SLC44A5: variants seen among roughly 807,000 people sequenced by gnomAD.
SLC44A5 encodes solute carrier family 44 member 5.
A neutral mutation model predicts 101.8 loss-of-function variants in SLC44A5; 57 were observed. The ratio of observed to expected loss-of-function variants is 0.56; its 90% CI spans 0.45 to 0.70. The LOEUF (loss-of-function observed/expected upper bound fraction) is 0.70. SLC44A5 is among the 30% of genes least tolerant of loss of function. The probability of loss-of-function intolerance (pLI) is 0.00; values close to 1 mark genes in which losing one functional copy is unlikely to be tolerated. For missense variants in SLC44A5, 737 were observed against 853.1 expected (o/e 0.86, Z 1.70); for synonymous variants, 281 against 290.9 (o/e 0.97, Z 0.35).
intron 1 of SLC44A5, among the ~76,000 whole-genome samples, chr1:75,589,968 T>C (rs1255303232): frequency 6.6e-6 from 1 of 151,920 alleles, no homozygotes; most frequent in Non-Finnish European, 1.5e-5. Flanking sequence ...TCTAAGTAAA[T>C]GTGAAAGGCA....
chr1:75,239,989 T>A (rs1648475357), intron 9 of SLC44A5, among the ~76,000 whole-genome samples: 1 of 152,086 alleles, frequency 6.6e-6, no homozygotes, highest in African/African-American at 2.4e-5. Flanking sequence ...CCCTTTCTAC[T>A]TCTTAAATAC....
intron 1 of SLC44A5, among the ~76,000 whole-genome samples, chr1:75,557,730 T>C (rs1672299381): frequency 6.6e-6 from 1 of 152,130 alleles, no homozygotes; most frequent in African/African-American, 2.4e-5. Flanking sequence ...GTAGTATACT[T>C]AGTGTCTGTC....
the SLC44A5 span, among the ~76,000 whole-genome samples, chr1:75,697,480 G>T: frequency 2.0e-5 from 3 of 152,152 alleles, no homozygotes; most frequent in African/African-American, 7.2e-5. Flanking sequence ...TGTGCACAAA[G>T]TTAATGCAAG....
At chr1:75,379,022 G>T (rs1365911420) in intron 3 of SLC44A5, among the ~76,000 whole-genome samples, 5 of 79,570 alleles carry the variant, frequency 6.3e-5, no homozygotes, top group Non-Finnish European at 1.1e-4. Flanking sequence ...AAAGGAAGGA[G>T]ATACTGAGGC....
At chr1:75,336,300 C>G (rs1008596351) in intron 4 of SLC44A5, among the ~76,000 whole-genome samples, 1 of 151,970 alleles carries the variant, frequency 6.6e-6, no homozygotes, top group Non-Finnish European at 1.5e-5. Context: ...ATTAAAGGCA[C>G]GCACCACCAC....
chr1:75,360,467 G>A (rs554818058), intron 3 of SLC44A5, among the ~76,000 whole-genome samples: 1 of 152,098 alleles, frequency 6.6e-6, no homozygotes, highest in Non-Finnish European at 1.5e-5. Flanking sequence ...ACTGCACCTG[G>A]CCAGTTGTTT....
the SLC44A5 span, among the ~76,000 whole-genome samples, chr1:75,621,915 C>T: frequency 2.4e-4 from 36 of 152,102 alleles, no homozygotes; most frequent in Non-Finnish European, 4.0e-4. Flanking sequence ...TATGAAGGGG[C>T]GGAGAAACTG....
chr1:75,601,102 T>C (rs1231466818), intron 1 of SLC44A5, among the ~76,000 whole-genome samples: 2 of 152,116 alleles, frequency 1.3e-5, no homozygotes, highest in Non-Finnish European at 2.9e-5. Context: ...GTTCCATGAG[T>C]GACATTGTTC....
chr1:75,239,101 A>G (rs1356137067), intron 9 of SLC44A5, among the ~76,000 whole-genome samples: 6 of 152,108 alleles, frequency 3.9e-5, no homozygotes, highest in Non-Finnish European at 7.4e-5. Flanking sequence ...AACCAGCTCA[A>G]ATTTTAGGCT....
At chr1:75,596,207 C>CAT (rs1189784623) in intron 1 of SLC44A5, among the ~76,000 whole-genome samples, 2 of 151,758 alleles carry the variant, frequency 1.3e-5, no homozygotes, top group Non-Finnish European at 2.9e-5. Flanking sequence ...CACATGCACA[C>CAT]ACACACACAC....
At chr1:75,539,058 G>T (rs1371303900) in intron 2 of SLC44A5, among the ~76,000 whole-genome samples, 9 of 152,134 alleles carry the variant, frequency 5.9e-5, no homozygotes, top group Non-Finnish European at 4.4e-5. Flanking sequence ...CTGTCACTTT[G>T]CCTGTCTCTG....
chr1:75,632,163 T>C, the SLC44A5 span, among the ~76,000 whole-genome samples: 10 of 152,198 alleles, frequency 6.6e-5, no homozygotes, highest in African/African-American at 2.4e-4. Flanking sequence ...TCTCCGTGTC[T>C]CTGAACTCTG....
intron 2 of SLC44A5, among the ~76,000 whole-genome samples, chr1:75,414,316 TATCC>T (rs1462155157): frequency 6.2e-5 from 8 of 129,152 alleles, no homozygotes; most frequent in African/African-American, 2.6e-4. Context: ...CATACATACA[TATCC>T]ACATACACAC....
chr1:75,522,667 C>T (rs1191160015), intron 2 of SLC44A5, among the ~76,000 whole-genome samples: 1 of 152,170 alleles, frequency 6.6e-6, no homozygotes, highest in Non-Finnish European at 1.5e-5. Context: ...CCCCAAACAA[C>T]CTTGAACTAA....
At chr1:75,219,062 G>A (rs554838465) in intron 16 of SLC44A5, among the ~76,000 whole-genome samples, 195 bp downstream of exon 16, 3 of 152,082 alleles carry the variant, frequency 2.0e-5, no homozygotes, top group Non-Finnish European at 4.4e-5. Flanking sequence ...AGGAAATACA[G>A]TGCTTTCTCT....
intron 2 of SLC44A5, among the ~76,000 whole-genome samples, chr1:75,417,353 A>T (rs1400162922): frequency 6.6e-6 from 1 of 152,230 alleles, no homozygotes; most frequent in Non-Finnish European, 1.5e-5. Flanking sequence ...AGGCTTCTAC[A>T]GCCACATGGA....
rs147029583 is a variant in SLC44A5 at position 75,523,090 on chromosome 1, T to C, written c.13+18345A>G. 2.0e-5 allele frequency among the ~76,000 whole-genome samples: 3 copies of C among 152,210 alleles called. No individual in the cohort carries two copies. The East Asian group carries it at 5.8e-4, about 29-fold the overall frequency. ...ATTGATTCTACACAACCATACCCCA[T>C]TTACAAATGATAAAACATAAGAACT... On this transcript the variant is annotated intron_variant, in intron 2 of 23. Coordinates refer to ENST00000370859, the MANE Select transcript of SLC44A5 (RefSeq NM_001130058.2).
At chr1:75,591,409 T>C (rs1009801904) in intron 1 of SLC44A5, among the ~76,000 whole-genome samples, 2 of 152,216 alleles carry the variant, frequency 1.3e-5, no homozygotes, top group South Asian at 4.1e-4. Flanking sequence ...TTAAACCCAC[T>C]TGATCACGGT....
chr1:75,665,051 C>T, the SLC44A5 span, among the ~76,000 whole-genome samples: 7 of 151,974 alleles, frequency 4.6e-5, no homozygotes, highest in African/African-American at 1.7e-4. Context: ...TCAACAGATT[C>T]AATGCTATTT....
Sources: gnomAD v4.1 joint callset for allele counts (sites outside exome capture counted in the v4.1 genomes callset) on GRCh38, gnomAD v4.1.1 for gene constraint, MANE v1.5 for transcripts, NCBI Gene and HGNC (gene_info 2026-07-23, HGNC 2026-07-21) for gene names.